Variants in CSRNP3 observed in about 807,000 individuals in gnomAD.
The protein encoded by CSRNP3 is cysteine and serine rich nuclear protein 3, also known as cysteine/serine-rich nuclear protein 3.
Under a neutral mutation model 48.0 loss-of-function variants are expected in CSRNP3, and 12 were observed. The observed-to-expected ratio is 0.25, with a 90% confidence interval of 0.16 to 0.41. The LOEUF is 0.41. Ranked by LOEUF, CSRNP3 falls within the 10% of genes least tolerant of loss-of-function variation. The pLI is 1.00. For synonymous variants in CSRNP3, 263 were observed against 269.7 expected (o/e 0.98, Z 0.24); for missense variants, 580 against 724.4 (o/e 0.80, Z 2.29).
chr2:165,572,487 C>A (rs1038599950), intron 3 of CSRNP3: 3 of 152,126 alleles, frequency 2.0e-5, no homozygotes, highest in African/African-American at 7.2e-5. Flanking sequence ...CCAGGAAGAA[C>A]TGTGTCTTCG....
intron 2 of CSRNP3, among the ~76,000 whole-genome samples, chr2:165,503,048 T>C (rs749030570): frequency 5.3e-5 from 8 of 152,006 alleles, no homozygotes; most frequent in Non-Finnish European, 8.8e-5. Flanking sequence ...TGAATGCATA[T>C]ACAATATCTT....
chr2:165,494,460 T>C (rs1241237660), intron 1 of CSRNP3, among the ~76,000 whole-genome samples: 1 of 152,132 alleles, frequency 6.6e-6, no homozygotes, highest in Non-Finnish European at 1.5e-5. Flanking sequence ...AATAAGTGCA[T>C]TTGACTCCCA....
chr2:165,644,092 C>A (rs1277098109), intron 4 of CSRNP3, among the ~76,000 whole-genome samples: 1 of 152,142 alleles, frequency 6.6e-6, no homozygotes, highest in Non-Finnish European at 1.5e-5. Context: ...ACTCTTCCCC[C>A]ACCAGCTACT....
At chr2:165,621,400 G>A (rs1686337234) in intron 4 of CSRNP3, among the ~76,000 whole-genome samples, 1 of 151,268 alleles carries the variant, frequency 6.6e-6, no homozygotes, top group Non-Finnish European at 1.5e-5. Context: ...GATATGCTAA[G>A]AATGGAAGGT....
chr2:165,526,046 A>G (rs1574821485), intron 3 of CSRNP3, among the ~76,000 whole-genome samples: 1 of 152,326 alleles, frequency 6.6e-6, no homozygotes, highest in African/African-American at 2.4e-5. Flanking sequence ...AAAATCAATC[A>G]CATTTGTGCA....
In CSRNP3 at chr2:165,687,811, T is replaced by TG. The variant is rs751650819; in HGVS notation, c.*8060dup. On this transcript the variant is annotated 3_prime_UTR_variant, in exon 7 of 7. Coordinates refer to ENST00000651982, the MANE Select transcript of CSRNP3 (RefSeq NM_001172173.2). Reference sequence around the variant, plus strand: ...TACATCACTTGATTCAAGCACTCCCTGGAGCTTTCAAAGCCTTTTTTATCT... The same window carrying TG: ...TACATCACTTGATTCAAGCACTCCCTGGGAGCTTTCAAAGCCTTTTTTATCT... 6.6e-6 allele frequency: 1 copy of TG among 152,102 alleles called. No individual in the cohort carries two copies. Among genetic ancestry groups the TG allele is most frequent in the Non-Finnish European group, 1.5e-5 (1 of 67,970 alleles). 9.4% of individuals were successfully genotyped at this position (152,102 alleles called of 1,614,324 possible).
intron 5 of CSRNP3, among the ~76,000 whole-genome samples, chr2:165,664,333 G>A (rs574037398): frequency 1.3e-5 from 2 of 152,114 alleles, no homozygotes; most frequent in Non-Finnish European, 2.9e-5. Context: ...GCCTCTTATT[G>A]AACAATTCTG....
chr2:165,601,247 A>G (rs1284654601), intron 4 of CSRNP3, among the ~76,000 whole-genome samples: 6 of 152,164 alleles, frequency 3.9e-5, no homozygotes, highest in Non-Finnish European at 1.5e-5. Context: ...GAGAAACTAG[A>G]GAGGAATGAT....
intron 3 of CSRNP3, among the ~76,000 whole-genome samples, chr2:165,535,337 C>T (rs1287791978): frequency 1.3e-5 from 2 of 148,584 alleles, no homozygotes; most frequent in Non-Finnish European, 3.0e-5. Flanking sequence ...TTTCTTTGAC[C>T]TACATTTTAA....
intron 4 of CSRNP3, among the ~76,000 whole-genome samples, chr2:165,613,692 GA>G (rs910518183): frequency 1.1e-4 from 17 of 152,194 alleles, no homozygotes; most frequent in African/African-American, 3.9e-4. Context: ...CAGCTCTGTT[GA>G]AAACAGGTTG....
chr2:165,598,090 T>G (rs528644004), intron 4 of CSRNP3, among the ~76,000 whole-genome samples: 1 of 152,120 alleles, frequency 6.6e-6, no homozygotes, highest in East Asian at 1.9e-4. Flanking sequence ...AAAAACAAGG[T>G]GAAAACTATA....
At chr2:165,485,449 A>G (rs1684099819) in intron 1 of CSRNP3, among the ~76,000 whole-genome samples, 2 of 152,232 alleles carry the variant, frequency 1.3e-5, no homozygotes, top group African/African-American at 4.8e-5. Context: ...AGTCTTTCAG[A>G]ACTTTCCTGC....
rs572869068 is a variant in CSRNP3 at position 165,679,889 on chromosome 2, T to G, written c.*136T>G. 1 of 1,276,148 alleles carries G rather than the reference T, an allele frequency of 7.8e-7. No homozygotes were observed. Among genetic ancestry groups the G allele is most frequent in the Non-Finnish European group, 1.1e-6 (1 of 931,332 alleles). 79.1% of individuals were successfully genotyped at this position (1,276,148 alleles called of 1,614,324 possible). ...GGTTAATCTTCCAGACTGTATTTTG[T>G]TTTTTCCTTTCTAGCCACATGACTG... On this transcript the variant is annotated 3_prime_UTR_variant, in exon 7 of 7. Transcript: ENST00000651982.
intron 4 of CSRNP3, among the ~76,000 whole-genome samples, chr2:165,604,024 T>C (rs994617775): frequency 4.6e-5 from 7 of 152,226 alleles, no homozygotes; most frequent in African/African-American, 1.7e-4. Context: ...GGAATGTATG[T>C]TTATCATCTG....
At chr2:165,618,177 G>A (rs151025714) in intron 4 of CSRNP3, among the ~76,000 whole-genome samples, 2 of 152,168 alleles carry the variant, frequency 1.3e-5, no homozygotes, top group Non-Finnish European at 2.9e-5. Context: ...AGGATTGCAG[G>A]TATCTATGAT....
intron 5 of CSRNP3, among the ~76,000 whole-genome samples, chr2:165,667,982 A>T (rs1322806813): frequency 6.6e-6 from 1 of 152,238 alleles, no homozygotes. Context: ...TCATTTTAAA[A>T]ATGTATTAAT....
At chr2:165,480,073 C>T (rs1684019334) in intron 1 of CSRNP3, among the ~76,000 whole-genome samples, 1 of 152,108 alleles carries the variant, frequency 6.6e-6, no homozygotes, top group Non-Finnish European at 1.5e-5. Flanking sequence ...TTTCTGTTTC[C>T]TGCTGCCTGT....
At chr2:165,665,803 A>AG (rs1573955139) in intron 5 of CSRNP3, among the ~76,000 whole-genome samples, 52 of 93,166 alleles carry the variant, frequency 5.6e-4, no homozygotes, top group African/African-American at 2.0e-3. Flanking sequence ...GAGAGAGAGA[A>AG]AGAGAGAAAG....
chr2:165,542,343 A>C (rs952060063), intron 3 of CSRNP3, among the ~76,000 whole-genome samples: 3 of 152,200 alleles, frequency 2.0e-5, no homozygotes, highest in African/African-American at 7.2e-5. Flanking sequence ...GTGCTTAGGA[A>C]TCACTTAAAA....
Sources: gnomAD v4.1 joint callset for allele counts (sites outside exome capture counted in the v4.1 genomes callset) on GRCh38, gnomAD v4.1.1 for gene constraint, MANE v1.5 for transcripts, NCBI Gene and HGNC (gene_info 2026-07-23, HGNC 2026-07-21) for gene names.